Variants in POC1B observed in about 807,000 individuals in gnomAD.
POC1B encodes the protein POC1 centriolar protein homolog B.
A neutral mutation model predicts 60.6 loss-of-function variants in POC1B; 44 were observed. That is an observed-to-expected ratio of 0.73 (90% confidence interval 0.57 to 0.93). POC1B has a LOEUF of 0.93. Ranked by LOEUF, POC1B falls within the 40% of genes least tolerant of loss-of-function variation. The probability of loss-of-function intolerance (pLI) is 0.00; values close to 1 mark genes in which losing one functional copy is unlikely to be tolerated. For synonymous variants in POC1B, 180 were observed against 198.9 expected, an observed-to-expected ratio of 0.90 and a Z score of 0.80; for missense variants, 555 against 572.3, an observed-to-expected ratio of 0.97 and a Z score of 0.31.
chr12:89,502,192 G>A (rs2135748351), intron 2 of POC1B: 2 of 1,159,816 alleles, frequency 1.7e-6, no homozygotes, highest in South Asian at 1.3e-5. Flanking sequence ...TTTAATGTCT[G>A]GAAAGAATAA....
At chr12:89,514,406 T>TTTTTTTA (rs1870345002) in intron 2 of POC1B, among the ~76,000 whole-genome samples, 1 of 129,424 alleles carries the variant, frequency 7.7e-6, no homozygotes, top group African/African-American at 2.9e-5. Flanking sequence ...GTATTTCTTT[T>TTTTTTTA]TTTTTTTTTT....
At chr12:89,502,630 T>G in intron 2 of POC1B, 1 of 1,329,844 alleles carries the variant, frequency 7.5e-7, no homozygotes, top group Non-Finnish European at 1.1e-6. Context: ...TCATGGATCT[T>G]GTAAGGCCAC....
chr12:89,508,240 C>T (rs1412384686), intron 2 of POC1B, among the ~76,000 whole-genome samples: 1 of 152,190 alleles, frequency 6.6e-6, no homozygotes, highest in Non-Finnish European at 1.5e-5. Flanking sequence ...ATGTTGGAGA[C>T]AATGTTTTGT....
chr12:89,468,299 GA>G (rs1362646081), intron 7 of POC1B, among the ~76,000 whole-genome samples: 1 of 152,206 alleles, frequency 6.6e-6, no homozygotes, highest in Non-Finnish European at 1.5e-5. Context: ...ATGAAAACCT[GA>G]AATTGAGCAG....
In POC1B at chr12:89,431,449, A is replaced by ACG. The variant is rs1881026206; in HGVS notation, c.1114-6071_1114-6070insCG. Among the ~76,000 whole-genome samples the ACG allele has an allele frequency of 5.9e-5, 9 of 151,994 alleles. 1 individual carries two copies. In the South Asian group the frequency reaches 1.9e-3, roughly 32 times the overall value. ...TTTAAATCACTACACACACACACAC[A>ACG]CACACACGCACATGCACACACACAC... is the stretch of plus-strand genomic sequence containing the variant. On this transcript the variant is annotated intron_variant, in intron 10 of 11. Coordinates refer to ENST00000313546, the MANE Select transcript of POC1B (RefSeq NM_172240.3).
intron 11 of POC1B, among the ~76,000 whole-genome samples, chr12:89,421,945 T>C (rs1880552303): frequency 6.6e-6 from 1 of 152,190 alleles, no homozygotes; most frequent in African/African-American, 2.4e-5. Context: ...CATATACATA[T>C]ATATATTAAA....
intron 2 of POC1B, among the ~76,000 whole-genome samples, chr12:89,504,697 A>G (rs566002881): frequency 4.6e-5 from 7 of 152,356 alleles, no homozygotes; most frequent in South Asian, 4.1e-4. Flanking sequence ...AGTTTTGTTC[A>G]CTGAGAGATA....
chr12:89,471,764 A>G lies in POC1B; in HGVS notation c.561-35T>C, dbSNP rs370158353. 26 of 1,097,558 alleles carry G rather than the reference A, an allele frequency of 2.4e-5. No individual in the cohort carries two copies. The African/African-American group carries it at 2.8e-4, about 12-fold the overall frequency. The allele number at this position is 1,097,558 out of a possible 1,614,324, so 68.0% of individuals were successfully genotyped here. On this transcript the variant is annotated intron_variant, in intron 5 of 11. Coordinates refer to ENST00000313546, the MANE Select transcript of POC1B (RefSeq NM_172240.3). The stretch of plus-strand genomic sequence containing the variant: ...AAGAATAAGATGACCTAATATTTCA[A>G]TTTCTTTTTTTTTTTTTTTTGAGAC...
At chr12:89,445,290 T>C (rs1177201116) in intron 10 of POC1B, among the ~76,000 whole-genome samples, 1 of 152,042 alleles carries the variant, frequency 6.6e-6, no homozygotes. Context: ...AAAGAGCTCA[T>C]ATTGCCAAGA....
chr12:89,470,296 G>C, intron 7 of POC1B, 65 bp downstream of exon 7: 1 of 934,520 alleles, frequency 1.1e-6, no homozygotes. Context: ...AAATGGATCA[G>C]AAATTTAAAA....
intron 4 of POC1B, among the ~76,000 whole-genome samples, chr12:89,478,569 TA>T (rs1467609699): frequency 4.0e-5 from 6 of 148,842 alleles, no homozygotes; most frequent in East Asian, 2.0e-4. Context: ...TTTAGGAAAT[TA>T]AAAAAAAAAG....
At chr12:89,443,292 G>T (rs1881613997) in intron 10 of POC1B, among the ~76,000 whole-genome samples, 1 of 152,184 alleles carries the variant, frequency 6.6e-6, no homozygotes, top group South Asian at 2.1e-4. Flanking sequence ...CAAATCAACA[G>T]AATATACATT....
chr12:89,407,885 A>G, the POC1B span, among the ~76,000 whole-genome samples: 2 of 152,166 alleles, frequency 1.3e-5, no homozygotes, highest in Non-Finnish European at 2.9e-5. Context: ...TATACATGTA[A>G]CATGGTGGTT....
intron 8 of POC1B, 63 bp downstream of exon 8, chr12:89,467,554 T>C: frequency 7.3e-7 from 1 of 1,367,482 alleles, no homozygotes; most frequent in Non-Finnish European, 1.0e-6. Context: ...GTAAAACTCT[T>C]AGCTGAGGTC....
At chr12:89,474,975 C>A (rs1468721143) in intron 4 of POC1B, among the ~76,000 whole-genome samples, 1 of 152,118 alleles carries the variant, frequency 6.6e-6, no homozygotes, top group Admixed American at 6.5e-5. Context: ...ATTCCCTGAG[C>A]ACTTGTCAGT....
At chr12:89,452,858 T>G (rs1400938272) in intron 10 of POC1B, among the ~76,000 whole-genome samples, 1 of 152,194 alleles carries the variant, frequency 6.6e-6, no homozygotes, top group Non-Finnish European at 1.5e-5. Flanking sequence ...TTTATTTATT[T>G]TTTTACAATC....
chr12:89,410,947 A>T, the POC1B span, among the ~76,000 whole-genome samples: 2 of 152,238 alleles, frequency 1.3e-5, no homozygotes, highest in African/African-American at 2.4e-5. Flanking sequence ...TCAATGTGCA[A>T]AAATCACAAG....
intron 10 of POC1B, among the ~76,000 whole-genome samples, chr12:89,455,417 A>C (rs1882215647): frequency 6.6e-6 from 1 of 152,202 alleles, no homozygotes; most frequent in African/African-American, 2.4e-5. Context: ...GCAGCCCATT[A>C]ATGATTTCCT....
At chr12:89,506,135 G>A (rs7313924) in intron 2 of POC1B, among the ~76,000 whole-genome samples, 12 of 152,006 alleles carry the variant, frequency 7.9e-5, no homozygotes, top group Non-Finnish European at 1.8e-4. Context: ...GATATACCCC[G>A]CCTGGAGCCC....
Sources: gnomAD v4.1 joint callset for allele counts (sites outside exome capture counted in the v4.1 genomes callset) on GRCh38, gnomAD v4.1.1 for gene constraint, MANE v1.5 for transcripts, NCBI Gene and HGNC (gene_info 2026-07-23, HGNC 2026-07-21) for gene names.